Variants in SEMA5B observed in about 807,000 individuals in gnomAD.
SEMA5B encodes semaphorin-5B.
In SEMA5B, 66 loss-of-function variants were observed where a neutral mutation model predicts 135.0. That is an observed-to-expected ratio of 0.49 (90% CI 0.40 to 0.60). The LOEUF (loss-of-function observed/expected upper bound fraction) is 0.60, where lower values mean the gene tolerates loss of function less well. SEMA5B is among the 20% of genes least tolerant of loss of function. The pLI, the probability that SEMA5B is intolerant of heterozygous loss-of-function variation, is 0.00. For missense variants in SEMA5B, 1,501 were observed against 1,566.3 expected (o/e 0.96, Z 0.70); for synonymous variants, 690 against 639.5 (o/e 1.08, Z -1.19).
intron 1 of SEMA5B, among the ~76,000 whole-genome samples, chr3:123,000,490 C>T (rs890019034): frequency 1.3e-5 from 2 of 152,166 alleles, no homozygotes; most frequent in African/African-American, 4.8e-5. Flanking sequence ...GCAAATGCCT[C>T]TCTGGCATTT....
chr3:122,950,873 G>A (rs1576360118), intron 2 of SEMA5B, among the ~76,000 whole-genome samples: 1 of 152,206 alleles, frequency 6.6e-6, no homozygotes, highest in African/African-American at 2.4e-5. Context: ...ATAACCTAGG[G>A]TGTATCTTCA....
chr3:122,956,261 C>A (rs2107584896), intron 2 of SEMA5B, among the ~76,000 whole-genome samples: 1 of 152,354 alleles, frequency 6.6e-6, no homozygotes, highest in East Asian at 1.9e-4. Context: ...TGTCCCAGTT[C>A]CCTGTGGGTT....
intron 1 of SEMA5B, among the ~76,000 whole-genome samples, chr3:122,976,791 T>C (rs1347677222): frequency 6.6e-6 from 1 of 152,204 alleles, no homozygotes; most frequent in Non-Finnish European, 1.5e-5. Context: ...GGCTCACACC[T>C]GTAATTCCAG....
At chr3:122,957,322 T>C (rs1271414431) in intron 2 of SEMA5B, among the ~76,000 whole-genome samples, 1 of 152,184 alleles carries the variant, frequency 6.6e-6, no homozygotes, top group Non-Finnish European at 1.5e-5. Context: ...TGCAGCTGGA[T>C]CTCAGCCCAA....
intron 5 of SEMA5B, among the ~76,000 whole-genome samples, chr3:122,932,258 T>TTTTC (rs1268008543): frequency 7.0e-6 from 1 of 143,462 alleles, no homozygotes; most frequent in Non-Finnish European, 1.5e-5. Context: ...TTTTTTTTTT[T>TTTTC]TTTTTTTTTT....
At chr3:123,004,469 G>T (rs914931291) in intron 1 of SEMA5B, among the ~76,000 whole-genome samples, 1 of 152,140 alleles carries the variant, frequency 6.6e-6, no homozygotes, top group African/African-American at 2.4e-5. Flanking sequence ...ACCAAGAAAA[G>T]GTTACATTTA....
At chr3:123,023,322 G>GCGCA (rs374839409) in intron 1 of SEMA5B, among the ~76,000 whole-genome samples, 8 of 144,036 alleles carry the variant, frequency 5.6e-5, no homozygotes, top group Non-Finnish European at 7.7e-5. Context: ...ACTATTTCCA[G>GCGCA]CACACACACA....
Position 122,927,798 on chromosome 3 carries a change from C to A in SEMA5B, c.842G>T (p.Trp281Leu). The A allele has an allele frequency of 7.0e-7, 1 of 1,419,814 alleles. No homozygotes were observed. Among genetic ancestry groups the A allele is most frequent in the Non-Finnish European group, 9.3e-7 (1 of 1,076,032 alleles). 88.0% of individuals were successfully genotyped at this position (1,419,814 alleles called of 1,614,324 possible). The change falls in exon 8 of 23, where the codon TGG becomes TTG. Residue 281 changes from tryptophan to leucine, a missense_variant. By Grantham distance (61) the Trp-to-Leu change is moderately conservative. Transcript: ENST00000357599. ...CACTGGGGCCTCCTTACCATTAAGC[C>A]ACTTGGAGTTATATTGGGCAGTGCG... Reference protein sequence around the residue: ...PLRTAQYNSKWLNEPNFVAAY... With the variant: ...PLRTAQYNSKLLNEPNFVAAY...
chr3:122,920,444 G>T (rs1012977270), intron 12 of SEMA5B, among the ~76,000 whole-genome samples: 1 of 152,198 alleles, frequency 6.6e-6, no homozygotes, highest in East Asian at 1.9e-4. Flanking sequence ...TTGCCAAGCT[G>T]TACTGACTAT....
At chr3:123,022,462 C>T (rs1435721615) in intron 1 of SEMA5B, among the ~76,000 whole-genome samples, 1 of 152,200 alleles carries the variant, frequency 6.6e-6, no homozygotes, top group African/African-American at 2.4e-5. Context: ...GCACATACAG[C>T]ATTGCCTTTA....
At chr3:122,933,395 C>T (rs1368482181) in intron 5 of SEMA5B, among the ~76,000 whole-genome samples, 1 of 151,968 alleles carries the variant, frequency 6.6e-6, no homozygotes. Context: ...GCATTTATTC[C>T]TCCATTGTCT....
chr3:122,999,773 C>A (rs1942126128), intron 1 of SEMA5B, among the ~76,000 whole-genome samples: 1 of 152,168 alleles, frequency 6.6e-6, no homozygotes, highest in Non-Finnish European at 1.5e-5. Context: ...AACTGGACAT[C>A]CTGCAGCACA....
chr3:123,024,950 T>C (rs1942765657), intron 1 of SEMA5B, among the ~76,000 whole-genome samples: 1 of 152,204 alleles, frequency 6.6e-6, no homozygotes, highest in Non-Finnish European at 1.5e-5. Context: ...TCTGTAGGCA[T>C]TTGAATTTGT....
chr3:122,976,130 T>C (rs1560397223), intron 1 of SEMA5B: 1 of 1,535,364 alleles, frequency 6.5e-7, no homozygotes, highest in Non-Finnish European at 8.7e-7. Flanking sequence ...GCATGTGGTT[T>C]ATACACTCTC....
chr3:122,919,930 C>A (rs562244157), intron 12 of SEMA5B, among the ~76,000 whole-genome samples: 1 of 152,304 alleles, frequency 6.6e-6, no homozygotes, highest in African/African-American at 2.4e-5. Context: ...CCCCTCTCTG[C>A]AGAATGTGAG....
At chr3:122,982,698 C>G (rs1941558344) in intron 1 of SEMA5B, among the ~76,000 whole-genome samples, 1 of 152,108 alleles carries the variant, frequency 6.6e-6, no homozygotes, top group Non-Finnish European at 1.5e-5. Flanking sequence ...CCACCCCCCA[C>G]CCCCCAGGTC....
chr3:122,911,875 CAG>C, intron 20 of SEMA5B, 43 bp downstream of exon 20: 1 of 1,544,820 alleles, frequency 6.5e-7, no homozygotes, highest in Non-Finnish European at 8.8e-7. Context: ...GTTGGGAGTG[CAG>C]GCTGGGAAGG....
At chr3:123,022,843 T>G (rs1942717544) in intron 1 of SEMA5B, among the ~76,000 whole-genome samples, 1 of 152,216 alleles carries the variant, frequency 6.6e-6, no homozygotes, top group African/African-American at 2.4e-5. Flanking sequence ...TTCAGCACCC[T>G]TCTGTCCCTT....
intron 1 of SEMA5B, among the ~76,000 whole-genome samples, chr3:122,964,376 G>T (rs1214105472): frequency 6.6e-6 from 1 of 152,196 alleles, no homozygotes; most frequent in Non-Finnish European, 1.5e-5. Context: ...TTCTGGGTAG[G>T]ACAGCTACCA....
Sources: allele counts gnomAD v4.1 joint callset (sites outside exome capture counted in the v4.1 genomes callset), GRCh38; gene constraint gnomAD v4.1.1; transcripts MANE v1.5; gene names NCBI Gene and HGNC (gene_info 2026-07-23, HGNC 2026-07-21).